The following LPP variants were observed in gnomAD, a reference collection of about 807,000 sequenced individuals.
LPP encodes the protein lipoma-preferred partner.
In LPP, 38 loss-of-function variants were observed where a neutral mutation model predicts 60.4. That is an observed-to-expected ratio of 0.63 (90% CI 0.49 to 0.83). The LOEUF (loss-of-function observed/expected upper bound fraction) is 0.83. Ranked by LOEUF, LPP falls within the 40% of genes least tolerant of loss-of-function variation. The pLI is 0.00. For synonymous variants in LPP, 328 were observed against 290.8 expected (o/e 1.13, Z -1.30); for missense variants, 902 against 783.6 (o/e 1.15, Z -1.80).
At chr3:188,817,287 T>G (rs918455318) in intron 9 of LPP, among the ~76,000 whole-genome samples, 1 of 152,216 alleles carries the variant, frequency 6.6e-6, no homozygotes, top group Admixed American at 6.5e-5. Context: ...GCACTTGCCC[T>G]GTTTTCACAG....
intron 1 of LPP, among the ~76,000 whole-genome samples, chr3:188,224,590 C>T (rs1353342976): frequency 6.6e-6 from 1 of 152,102 alleles, no homozygotes; most frequent in Non-Finnish European, 1.5e-5. Flanking sequence ...GGTCATGGTT[C>T]TGCAGTCTGT....
intron 1 of LPP, among the ~76,000 whole-genome samples, chr3:188,211,327 C>T (rs1375418561): frequency 6.6e-6 from 1 of 152,098 alleles, no homozygotes; most frequent in African/African-American, 2.4e-5. Context: ...GAACAAGCAA[C>T]CTCTTGGTGC....
chr3:188,284,918 C>T (rs1362170801), intron 2 of LPP, among the ~76,000 whole-genome samples: 2 of 152,158 alleles, frequency 1.3e-5, no homozygotes, highest in East Asian at 3.9e-4. Context: ...TGACTCGAAT[C>T]ATTCCTCTGT....
In LPP at chr3:188,485,443, AC is replaced by A. The variant is rs529172251; in HGVS notation, c.306+740del. ...TAGGTGTGACTATGTTCGCATAGAT[AC>A]ATTGAAGAAAAAAATGAGTCTTCTT... On this transcript the variant is annotated intron_variant, in intron 5 of 11. Coordinates refer to ENST00000617246, the MANE Select transcript of LPP (RefSeq NM_001375462.1). Among the ~76,000 whole-genome samples the A allele has an allele frequency of 3.9e-5, 6 of 152,354 alleles. No homozygotes were observed. The East Asian group carries it at 1.2e-3, about 29-fold the overall frequency.
intron 4 of LPP, among the ~76,000 whole-genome samples, chr3:188,466,946 A>G (rs1579124266): frequency 9.3e-6 from 1 of 107,420 alleles, no homozygotes; most frequent in African/African-American, 3.7e-5. Flanking sequence ...TGGCATTGCT[A>G]TGTGAATCAT....
intron 7 of LPP, among the ~76,000 whole-genome samples, chr3:188,655,157 C>T (rs972643869): frequency 6.6e-6 from 1 of 152,170 alleles, no homozygotes; most frequent in African/African-American, 2.4e-5. Flanking sequence ...AGGATATTCT[C>T]TCTTCCTTTA....
At chr3:188,328,091 TA>T (rs1758943291) in intron 2 of LPP, among the ~76,000 whole-genome samples, 1 of 152,164 alleles carries the variant, frequency 6.6e-6, no homozygotes, top group Admixed American at 6.5e-5. Flanking sequence ...AAAGGAAGGA[TA>T]AAAAGTAATT....
intron 6 of LPP, among the ~76,000 whole-genome samples, chr3:188,575,558 C>T (rs1320601886): frequency 1.3e-5 from 2 of 152,086 alleles, no homozygotes; most frequent in Non-Finnish European, 2.9e-5. Flanking sequence ...TCCGGTCCAC[C>T]TTAACTAAAT....
intron 6 of LPP, among the ~76,000 whole-genome samples, chr3:188,529,484 T>C (rs1821561860): frequency 2.0e-5 from 3 of 152,158 alleles, no homozygotes. Flanking sequence ...CTAGGAAAAA[T>C]GATATATATG....
At chr3:188,485,796 C>CAAAAAAAAAAAAAAAAAAAAA (rs766522013) in intron 5 of LPP, among the ~76,000 whole-genome samples, 58 of 40,128 alleles carry the variant, frequency 1.4e-3, no homozygotes, top group Middle Eastern at 0.026. Flanking sequence ...GACTCCGTCT[C>CAAAAAAAAAAAAAAAAAAAAA]AAAAAAAAAA....
chr3:188,328,569 T>C (rs1205623117), intron 2 of LPP, among the ~76,000 whole-genome samples: 1 of 152,134 alleles, frequency 6.6e-6, no homozygotes, highest in Admixed American at 6.6e-5. Flanking sequence ...TTTGAGAAAA[T>C]CTCCGGCAAA....
At chr3:188,394,376 G>A (rs1578573600) in intron 3 of LPP, among the ~76,000 whole-genome samples, 1 of 152,298 alleles carries the variant, frequency 6.6e-6, no homozygotes. Flanking sequence ...GTCTTGTAAG[G>A]TAATGAGTTC....
intron 5 of LPP, among the ~76,000 whole-genome samples, chr3:188,500,325 T>C (rs1445354071): frequency 1.3e-5 from 2 of 152,186 alleles, no homozygotes; most frequent in Non-Finnish European, 2.9e-5. Context: ...TTTTGTCAAA[T>C]GCTTTTCTGT....
intron 1 of LPP, among the ~76,000 whole-genome samples, chr3:188,174,766 A>G (rs1722585046): frequency 6.6e-6 from 1 of 152,096 alleles, no homozygotes; most frequent in African/African-American, 2.4e-5. Context: ...GTTTGAATCC[A>G]ATTGATCTTC....
At chr3:188,856,105 C>T (rs746205812) in intron 9 of LPP, among the ~76,000 whole-genome samples, 1 of 152,096 alleles carries the variant, frequency 6.6e-6, no homozygotes. Context: ...ACCTTGATTA[C>T]GGTTAAGTCA....
At chr3:188,698,488 C>G (rs917029305) in intron 7 of LPP, among the ~76,000 whole-genome samples, 1 of 152,000 alleles carries the variant, frequency 6.6e-6, no homozygotes, top group Non-Finnish European at 1.5e-5. Flanking sequence ...CTCACCCCAC[C>G]GAGAAAACTC....
chr3:188,866,647 T>C (rs1267411504), intron 10 of LPP, among the ~76,000 whole-genome samples: 1 of 152,192 alleles, frequency 6.6e-6, no homozygotes, highest in African/African-American at 2.4e-5. Flanking sequence ...AAAAGCTGGC[T>C]CAGCTATAGT....
At chr3:188,809,371 C>T (rs1300199566) in intron 9 of LPP, among the ~76,000 whole-genome samples, 1 of 152,086 alleles carries the variant, frequency 6.6e-6, no homozygotes, top group African/African-American at 2.4e-5. Flanking sequence ...TTAATAATCG[C>T]CATTCTGACT....
At chr3:188,432,387 G>C (rs1268036904) in intron 4 of LPP, among the ~76,000 whole-genome samples, 1 of 152,082 alleles carries the variant, frequency 6.6e-6, no homozygotes, top group Admixed American at 6.6e-5. Context: ...CTAAATCTTT[G>C]ATAAAAGTAT....
Sources: gnomAD v4.1 joint callset for allele counts (sites outside exome capture counted in the v4.1 genomes callset) on GRCh38, gnomAD v4.1.1 for gene constraint, MANE v1.5 for transcripts, NCBI Gene and HGNC (gene_info 2026-07-23, HGNC 2026-07-21) for gene names.